Variants in FAM135A observed in about 807,000 individuals in gnomAD.
FAM135A encodes the protein protein FAM135A.
Under a neutral mutation model 146.8 loss-of-function variants are expected in FAM135A, and 79 were observed. The observed-to-expected ratio is 0.54, with a 90% confidence interval of 0.45 to 0.65. FAM135A has a LOEUF of 0.65. Ranked by LOEUF, FAM135A falls within the 30% of genes least tolerant of loss-of-function variation. The pLI is 0.00. For synonymous variants in FAM135A, 562 were observed against 603.6 expected (o/e 0.93, Z 1.01); for missense variants, 1,623 against 1,758.2 (o/e 0.92, Z 1.38).
chr6:70,423,141 A>C (rs1769236639), intron 2 of FAM135A, among the ~76,000 whole-genome samples: 1 of 152,208 alleles, frequency 6.6e-6, no homozygotes, highest in South Asian at 2.1e-4. Context: ...AGAGGCCCTG[A>C]GACAGGAATA....
At chr6:70,535,215 C>T (rs1316131737) in intron 18 of FAM135A, among the ~76,000 whole-genome samples, 3 of 152,164 alleles carry the variant, frequency 2.0e-5, no homozygotes, top group East Asian at 3.9e-4. Context: ...TTGTCCTGAG[C>T]GTCTCGCAAG....
intron 12 of FAM135A, among the ~76,000 whole-genome samples, chr6:70,522,026 C>T (rs1793702584): frequency 6.6e-6 from 1 of 152,182 alleles, no homozygotes; most frequent in African/African-American, 2.4e-5. Flanking sequence ...AGGCGATTCT[C>T]CTGCCTCAGC....
At position 70,540,744 on chromosome 6, in the gene FAM135A, C is replaced by G. The variant is rs554668305; in HGVS notation, c.4228+2343C>G. Among the ~76,000 whole-genome samples, 9 of 152,246 alleles carry G rather than the reference C, an allele frequency of 5.9e-5. No homozygotes were observed. In the East Asian group the frequency reaches 1.7e-3, roughly 29 times the overall value. On this transcript the variant is annotated intron_variant, in intron 20 of 21. Coordinates refer to ENST00000418814, the MANE Select transcript of FAM135A (RefSeq NM_001162529.3). ...CATGTATTACTCTTTGTTTTTCTAT[C>G]CTAGTCATCTTGCAAATCTATATTA...
intron 12 of FAM135A, among the ~76,000 whole-genome samples, chr6:70,511,559 G>A (rs1791009869): frequency 6.7e-6 from 1 of 149,384 alleles, no homozygotes; most frequent in Non-Finnish European, 1.5e-5. Context: ...CCTGATATCA[G>A]GATATATTTG....
At chr6:70,414,192 T>C (rs1325390415) in intron 1 of FAM135A, among the ~76,000 whole-genome samples, 2 of 152,160 alleles carry the variant, frequency 1.3e-5, no homozygotes, top group African/African-American at 4.8e-5. Flanking sequence ...CCGGAGCTCC[T>C]TACCCTGGCC....
chr6:70,522,713 A>C (rs546894778), intron 13 of FAM135A, 127 bp downstream of exon 13: 1 of 702,376 alleles, frequency 1.4e-6, no homozygotes, highest in African/African-American at 1.8e-5. Flanking sequence ...TTTGAATTTC[A>C]GAAATCCCAT....
Position 70,537,543 on chromosome 6 carries a change from G to A in FAM135A, c.4118-748G>A, listed in dbSNP as rs535995016. ...TGTATAATAGAACCCAACATGAATC[G>A]AATGTAGTACTTTGAATTTCATTCT... On this transcript the variant is annotated intron_variant, in intron 19 of 21. Coordinates refer to ENST00000418814, the MANE Select transcript of FAM135A (RefSeq NM_001162529.3). 4.6e-5 allele frequency among the ~76,000 whole-genome samples: 7 copies of A among 152,198 alleles called. No individual in the cohort carries two copies. In the South Asian group the frequency reaches 1.2e-3, roughly 27 times the overall value.
Position 70,530,318 on chromosome 6 carries a change from C to T in FAM135A, c.3775+1866C>T, listed in dbSNP as rs558784025. Among the ~76,000 whole-genome samples, 34 of 152,122 alleles carry T rather than the reference C, an allele frequency of 2.2e-4. No individual in the cohort carries two copies. In the South Asian group the frequency reaches 6.2e-3, roughly 28 times the overall value. On this transcript the variant is annotated intron_variant, in intron 16 of 21. Coordinates refer to ENST00000418814, the MANE Select transcript of FAM135A (RefSeq NM_001162529.3). ...GATCTCAATAGGATTAGTCTATTTC[C>T]TTAATGTGATTAAGCATATATATTT...
At chr6:70,424,983 A>T (rs1581999176) in intron 2 of FAM135A, among the ~76,000 whole-genome samples, 1 of 151,924 alleles carries the variant, frequency 6.6e-6, no homozygotes, top group South Asian at 2.1e-4. Flanking sequence ...ATTAATTTCT[A>T]TATTAAGGAA....
At chr6:70,551,101 G>A (rs927788360) in intron 20 of FAM135A, among the ~76,000 whole-genome samples, 4 of 152,142 alleles carry the variant, frequency 2.6e-5, no homozygotes, top group African/African-American at 7.2e-5. Flanking sequence ...TTTCATCCAC[G>A]CCATCCAAAC....
intron 15 of FAM135A, among the ~76,000 whole-genome samples, chr6:70,527,308 T>C (rs541403516): frequency 1.3e-5 from 2 of 152,238 alleles, no homozygotes; most frequent in South Asian, 4.1e-4. Flanking sequence ...TCTTAAAATA[T>C]TCTATTGCCT....
chr6:70,483,058 TC>T (rs1476603983), intron 10 of FAM135A, among the ~76,000 whole-genome samples: 2 of 152,174 alleles, frequency 1.3e-5, no homozygotes, highest in African/African-American at 2.4e-5. Flanking sequence ...TAGTCACTGT[TC>T]CAGAACATAG....
At chr6:70,557,715 A>AAC (rs1382278271) in intron 21 of FAM135A, 12 of 151,366 alleles carry the variant, frequency 7.9e-5, no homozygotes, top group African/African-American at 2.9e-4. Flanking sequence ...AAAAAAAAAA[A>AAC]AAACCCTGGT....
chr6:70,481,234 G>A (rs113669652), intron 9 of FAM135A, among the ~76,000 whole-genome samples: 6 of 152,146 alleles, frequency 3.9e-5, no homozygotes, highest in African/African-American at 1.4e-4. Context: ...CAGATTTAGT[G>A]GATAGACATC....
intron 20 of FAM135A, among the ~76,000 whole-genome samples, chr6:70,542,448 T>G (rs1798117998): frequency 6.6e-6 from 1 of 152,108 alleles, no homozygotes; most frequent in Non-Finnish European, 1.5e-5. Flanking sequence ...CCTTCTAAAA[T>G]TAAACTCTAA....
intron 5 of FAM135A, among the ~76,000 whole-genome samples, chr6:70,455,511 G>A (rs574173116): frequency 1.3e-5 from 2 of 152,098 alleles, no homozygotes; most frequent in Admixed American, 6.5e-5. Context: ...TGGCATACAT[G>A]TCAATGTATA....
At chr6:70,432,170 G>A (rs947277722) in intron 4 of FAM135A, among the ~76,000 whole-genome samples, 2 of 152,074 alleles carry the variant, frequency 1.3e-5, no homozygotes, top group East Asian at 1.9e-4. Context: ...CATTCTTTTA[G>A]CCACTAACCT....
chr6:70,491,388 C>G (rs1785949414), intron 11 of FAM135A, among the ~76,000 whole-genome samples: 1 of 151,940 alleles, frequency 6.6e-6, no homozygotes, highest in South Asian at 2.1e-4. Context: ...TTTAAAACAT[C>G]ACTTAAACTT....
In FAM135A at chr6:70,480,955, CA is replaced by C. The variant is rs1434053529; in HGVS notation, c.600del (p.Asp201IlefsTer3). The C allele has an allele frequency of 2.5e-6, 4 of 1,612,556 alleles. No individual in the cohort carries two copies. Among genetic ancestry groups the C allele is most frequent in the African/African-American group, 1.3e-5 (1 of 74,844 alleles). ...TAAATAGAAATGCACCAGCACAAAA[CA>C]AAGATTCCGTGATTCCTACTCTTGA... is the stretch of plus-strand genomic sequence containing the variant. Reference protein sequence around the residue: ...WLNRNAPAQNKDSVIPTLESV... With the variant: ...WLNRNAPAQNXDSVIPTLESV... On this transcript the variant is annotated frameshift_variant, in exon 9 of 22. Coordinates refer to ENST00000418814, the MANE Select transcript of FAM135A (RefSeq NM_001162529.3). LOFTEE classifies it high-confidence loss of function.
Sources: allele counts gnomAD v4.1 joint callset (sites outside exome capture counted in the v4.1 genomes callset), GRCh38; gene constraint gnomAD v4.1.1; transcripts MANE v1.5; gene names NCBI Gene and HGNC (gene_info 2026-07-23, HGNC 2026-07-21).